CNTNAP2: variants seen among roughly 807,000 people sequenced by gnomAD.
The protein encoded by CNTNAP2 is contactin-associated protein-like 2.
CNTNAP2 carries 98 observed loss-of-function variants against 155.2 expected under a neutral mutation model. The ratio of observed to expected loss-of-function variants is 0.63; its 90% confidence interval spans 0.54 to 0.75. The LOEUF is 0.75. CNTNAP2 is among the 30% of genes least tolerant of loss of function. The pLI is 0.00. For synonymous variants in CNTNAP2, 651 were observed against 631.2 expected, an observed-to-expected ratio of 1.03 and a Z score of -0.47; for missense variants, 1,727 against 1,688.1, an observed-to-expected ratio of 1.02 and a Z score of -0.40.
At chr7:146,700,166 A>G (rs1800851287) in intron 1 of CNTNAP2, among the ~76,000 whole-genome samples, 1 of 152,020 alleles carries the variant, frequency 6.6e-6, no homozygotes, top group African/African-American at 2.4e-5. Flanking sequence ...AAACTAGTCA[A>G]CACCCGGTGT....
intron 1 of CNTNAP2, among the ~76,000 whole-genome samples, chr7:146,495,158 A>C (rs1797195284): frequency 6.6e-6 from 1 of 152,242 alleles, no homozygotes; most frequent in African/African-American, 2.4e-5. Flanking sequence ...TAGGCAGGTC[A>C]GCTCCTCTGG....
intron 21 of CNTNAP2, among the ~76,000 whole-genome samples, chr7:148,271,496 T>A (rs561905661): frequency 6.6e-6 from 1 of 152,186 alleles, no homozygotes; most frequent in South Asian, 2.1e-4. Flanking sequence ...ACTCAGCGAG[T>A]CAGCGGTGAC....
chr7:146,263,284 AGGAAGGAAGGAAGGAC>A (rs201899453), intron 1 of CNTNAP2, among the ~76,000 whole-genome samples: 20 of 147,542 alleles, frequency 1.4e-4, no homozygotes, highest in African/African-American at 3.8e-4. Context: ...GGAGGAAGGA[AGGAAGGAAGGAAGGAC>A]GGAAGGAAGG....
At chr7:147,615,277 C>CAAAAAAAAA (rs58247626) in intron 12 of CNTNAP2, among the ~76,000 whole-genome samples, 4 of 28,046 alleles carry the variant, frequency 1.4e-4, no homozygotes, top group Non-Finnish European at 2.4e-4. Flanking sequence ...GACCCTGTCT[C>CAAAAAAAAA]AAAAAAAAAA....
At chr7:148,222,339 G>A (rs1193165572) in intron 19 of CNTNAP2, among the ~76,000 whole-genome samples, 1 of 152,204 alleles carries the variant, frequency 6.6e-6, no homozygotes, top group Non-Finnish European at 1.5e-5. Context: ...CCTGGTGAGG[G>A]CCTTATTACT....
intron 15 of CNTNAP2, among the ~76,000 whole-genome samples, chr7:148,025,330 G>T (rs1802357017): frequency 6.6e-6 from 1 of 152,108 alleles, no homozygotes; most frequent in African/African-American, 2.4e-5. Context: ...CCAGTCCTGT[G>T]ACCTTCATCC....
rs114326784 is a variant in CNTNAP2, at chr7:146,684,860, A to T, written c.98-89411A>T. Among the ~76,000 whole-genome samples the T allele has an allele frequency of 5.8e-3, 876 of 152,238 alleles. 10 individuals are homozygous for T. Among genetic ancestry groups the T allele is most frequent in the African/African-American group, 0.02 (839 of 41,554 alleles). On this transcript the variant is annotated intron_variant, in intron 1 of 23. Coordinates refer to ENST00000361727, the MANE Select transcript of CNTNAP2 (RefSeq NM_014141.6). ...CTGTTTTCATGAATGGTGCTCCGTG[A>T]CCTTGATAACATATGTCCCTAGAGC... is the stretch of plus-strand genomic sequence containing the variant.
chr7:148,076,682 A>T (rs1470483645), intron 15 of CNTNAP2, among the ~76,000 whole-genome samples: 1 of 151,622 alleles, frequency 6.6e-6, no homozygotes, highest in Non-Finnish European at 1.5e-5. Context: ...TGATCCACCC[A>T]TCTCTGCCTC....
chr7:147,842,587 C>CTTTTTTTTTT (rs3055146), intron 13 of CNTNAP2, among the ~76,000 whole-genome samples: 9 of 84,406 alleles, frequency 1.1e-4, no homozygotes, highest in Non-Finnish European at 1.8e-4. Flanking sequence ...TTTTACTTTT[C>CTTTTTTTTTT]TTTTTTTTTT....
At chr7:147,675,482 A>G (rs564254256) in intron 13 of CNTNAP2, among the ~76,000 whole-genome samples, 3 of 152,214 alleles carry the variant, frequency 2.0e-5, no homozygotes, top group Non-Finnish European at 4.4e-5. Flanking sequence ...TAAAGGCCTG[A>G]AAATCATGAG....
Position 147,888,152 on chromosome 7 carries a change from A to G in CNTNAP2, c.2099-15413A>G, listed in dbSNP as rs189887570. ...ACTGTAATTGTGAATCAATAGAGAT[A>G]ACTAATAGCATTTTCAGTCCTACAG... is the stretch of plus-strand genomic sequence containing the variant. On this transcript the variant is annotated intron_variant, in intron 13 of 23. Transcript: ENST00000361727. Among the ~76,000 whole-genome samples the G allele has an allele frequency of 2.0e-5, 3 of 152,318 alleles. No individual in the cohort carries two copies. In the East Asian group the frequency reaches 5.8e-4, roughly 29 times the overall value.
intron 4 of CNTNAP2, among the ~76,000 whole-genome samples, chr7:147,068,545 G>A (rs975757695): frequency 1.3e-5 from 2 of 152,100 alleles, no homozygotes; most frequent in Non-Finnish European, 1.5e-5. Flanking sequence ...TTTTAGTAGA[G>A]ATGGGGTTTC....
chr7:147,686,689 G>C (rs1230673644), intron 13 of CNTNAP2, among the ~76,000 whole-genome samples: 1 of 151,974 alleles, frequency 6.6e-6, no homozygotes, highest in Non-Finnish European at 1.5e-5. Context: ...AAAATCAGAA[G>C]AGTTTAGGCT....
At chr7:146,414,091 C>T (rs1480421534) in intron 1 of CNTNAP2, among the ~76,000 whole-genome samples, 1 of 152,154 alleles carries the variant, frequency 6.6e-6, no homozygotes, top group Non-Finnish European at 1.5e-5. Flanking sequence ...TATAAACAGC[C>T]AGGTTTGAAG....
chr7:148,080,151 CTG>C (rs2116545241), intron 15 of CNTNAP2, among the ~76,000 whole-genome samples: 1 of 152,292 alleles, frequency 6.6e-6, no homozygotes, highest in East Asian at 1.9e-4. Flanking sequence ...AGTGGGGAGC[CTG>C]TCTTACAATG....
chr7:147,852,862 G>A (rs745883843), intron 13 of CNTNAP2, among the ~76,000 whole-genome samples: 32 of 152,194 alleles, frequency 2.1e-4, no homozygotes, highest in East Asian at 3.9e-4. Flanking sequence ...ATATTATTTT[G>A]TAAGACTATG....
intron 13 of CNTNAP2, among the ~76,000 whole-genome samples, chr7:147,788,900 C>CTTTTTTTTTTTTTTTTTTTT (rs11440955): frequency 9.9e-6 from 1 of 100,744 alleles, no homozygotes; most frequent in Non-Finnish European, 1.9e-5. Flanking sequence ...TTTTCTTTTT[C>CTTTTTTTTTTTTTTTTTTTT]TTTTTTTTTT....
intron 10 of CNTNAP2, among the ~76,000 whole-genome samples, chr7:147,465,324 G>GA (rs1478188748): frequency 6.6e-6 from 1 of 152,090 alleles, no homozygotes; most frequent in Non-Finnish European, 1.5e-5. Flanking sequence ...GCTTAAAAAG[G>GA]AAAAAATGTA....
intron 1 of CNTNAP2, among the ~76,000 whole-genome samples, chr7:146,413,396 C>T (rs539033148): frequency 2.0e-5 from 3 of 152,152 alleles, no homozygotes; most frequent in South Asian, 4.2e-4. Flanking sequence ...ACAGGAGTTT[C>T]GGTGTTTTTG....
Sources: gnomAD v4.1 joint callset for allele counts (sites outside exome capture counted in the v4.1 genomes callset) on GRCh38, gnomAD v4.1.1 for gene constraint, MANE v1.5 for transcripts, NCBI Gene and HGNC (gene_info 2026-07-23, HGNC 2026-07-21) for gene names.